The following CMTM4 variants were observed in gnomAD, a reference collection of about 807,000 sequenced individuals.
CMTM4 encodes the protein CKLF like MARVEL transmembrane domain containing 4, also known as CKLF-like MARVEL transmembrane domain-containing protein 4.
CMTM4 carries 8 observed loss-of-function variants against 19.0 expected under a neutral mutation model. The observed-to-expected ratio is 0.42, with a 90% CI of 0.25 to 0.76. CMTM4 has a LOEUF of 0.76. Ranked by LOEUF, CMTM4 falls within the 30% of genes least tolerant of loss-of-function variation. The pLI is 0.27. For missense variants in CMTM4, 228 were observed against 290.2 expected (o/e 0.79, Z 1.56); for synonymous variants, 106 against 121.1 (o/e 0.88, Z 0.82).
At chr16:66,656,275 C>A (rs1231495797) in intron 1 of CMTM4, among the ~76,000 whole-genome samples, 1 of 152,216 alleles carries the variant, frequency 6.6e-6, no homozygotes, top group Admixed American at 6.5e-5. Context: ...ATTTAAAAAA[C>A]TGCCATTTGG....
chr16:66,626,287 T>C (rs2015736606), intron 2 of CMTM4, among the ~76,000 whole-genome samples: 1 of 151,994 alleles, frequency 6.6e-6, no homozygotes, highest in Non-Finnish European at 1.5e-5. Flanking sequence ...ATACAAAAAT[T>C]AGCTGGACCC....
chr16:66,640,965 T>A (rs948070122), intron 1 of CMTM4, among the ~76,000 whole-genome samples: 1 of 152,212 alleles, frequency 6.6e-6, no homozygotes, highest in African/African-American at 2.4e-5. Context: ...AAAGCTTGAC[T>A]GCAACCTCCT....
At chr16:66,663,185 C>T (rs952057651) in intron 1 of CMTM4, among the ~76,000 whole-genome samples, 2 of 152,056 alleles carry the variant, frequency 1.3e-5, no homozygotes, top group African/African-American at 4.8e-5. Context: ...GACCAGAGTC[C>T]CATAACATAA....
intron 1 of CMTM4, among the ~76,000 whole-genome samples, chr16:66,654,687 C>A (rs2016367523): frequency 6.6e-6 from 1 of 152,164 alleles, no homozygotes; most frequent in African/African-American, 2.4e-5. Flanking sequence ...GCCACTGTGA[C>A]CCTGGGCACA....
At chr16:66,603,705 A>G in the CMTM4 span, among the ~76,000 whole-genome samples, 1 of 152,250 alleles carries the variant, frequency 6.6e-6, no homozygotes, top group Non-Finnish European at 1.5e-5. Flanking sequence ...GTACTGTGCC[A>G]TAAGCTCTCC....
chr16:66,669,097 C>T (rs2016656446), intron 1 of CMTM4, among the ~76,000 whole-genome samples: 1 of 152,126 alleles, frequency 6.6e-6, no homozygotes, highest in African/African-American at 2.4e-5. Context: ...TGCCCTTTAA[C>T]AGGTGAATAA....
chr16:66,607,974 T>C, the CMTM4 span, among the ~76,000 whole-genome samples: 6 of 152,074 alleles, frequency 3.9e-5, no homozygotes, highest in African/African-American at 1.4e-4. Flanking sequence ...GCCTCCCAAG[T>C]AGCTGGGATT....
At chr16:66,650,843 C>T (rs2144839750) in intron 1 of CMTM4, among the ~76,000 whole-genome samples, 1 of 152,280 alleles carries the variant, frequency 6.6e-6, no homozygotes, top group South Asian at 2.1e-4. Context: ...CTCATTTACC[C>T]AGCAGGGGAG....
At chr16:66,676,842 G>C (rs1263833999) in intron 1 of CMTM4, among the ~76,000 whole-genome samples, 1 of 152,194 alleles carries the variant, frequency 6.6e-6, no homozygotes, top group Non-Finnish European at 1.5e-5. Context: ...TACTACAGTA[G>C]AACATAAGTA....
intron 1 of CMTM4, among the ~76,000 whole-genome samples, chr16:66,670,671 G>A (rs186075620): frequency 2.0e-5 from 3 of 152,040 alleles, no homozygotes; most frequent in East Asian, 3.9e-4. Flanking sequence ...GTGGTGGCAC[G>A]AACCTGTAGT....
At chr16:66,651,552 C>T (rs1290475594) in intron 1 of CMTM4, among the ~76,000 whole-genome samples, 1 of 152,132 alleles carries the variant, frequency 6.6e-6, no homozygotes. Flanking sequence ...AAAGCTAGTT[C>T]CTCCCCTACC....
intron 1 of CMTM4, among the ~76,000 whole-genome samples, chr16:66,691,988 C>T (rs1440226918): frequency 6.6e-6 from 1 of 152,136 alleles, no homozygotes; most frequent in Non-Finnish European, 1.5e-5. Flanking sequence ...ATTTCATTTT[C>T]TTAATCCTTT....
chr16:66,612,359 G>T (rs1156696225), downstream of CMTM4, among the ~76,000 whole-genome samples: 1 of 152,130 alleles, frequency 6.6e-6, no homozygotes, highest in African/African-American at 2.4e-5. The surrounding 1 kb of genome is among the most constrained non-coding windows in gnomAD (Gnocchi z 6.0). Context: ...TGGGTGATGA[G>T]CAAGACTCTG....
intron 2 of CMTM4, among the ~76,000 whole-genome samples, chr16:66,623,849 G>T (rs1365621593): frequency 6.6e-6 from 1 of 152,154 alleles, no homozygotes; most frequent in Non-Finnish European, 1.5e-5. Flanking sequence ...AGCTCCCCAA[G>T]GATCCAAATG....
the CMTM4 span, among the ~76,000 whole-genome samples, chr16:66,598,853 C>T: frequency 2.6e-4 from 40 of 152,172 alleles, no homozygotes; most frequent in African/African-American, 8.9e-4. Flanking sequence ...ATAAAAATTA[C>T]GAGGGGGTCA....
In CMTM4 at chr16:66,619,247, C is replaced by CA. The variant is rs2015583428; in HGVS notation, c.*2810dup. The stretch of plus-strand genomic sequence containing the variant: ...AGAGGGAAAAAATACCAAATCCACC[C>CA]AATCAGTGCCAAAATAAACTTTCTC... On this transcript the variant is annotated 3_prime_UTR_variant, in exon 4 of 4. Coordinates refer to ENST00000394106, the MANE Select transcript of CMTM4 (RefSeq NM_181521.3). 1.0e-6 allele frequency: 1 copy of CA among 985,434 alleles called. No homozygotes were observed. Among genetic ancestry groups the CA allele is most frequent in the South Asian group, 4.7e-5 (1 of 21,278 alleles). 61.0% of individuals were successfully genotyped at this position (985,434 alleles called of 1,614,324 possible). A position where few individuals can be genotyped will look rare whatever the true frequency, so the allele number is the denominator to read the frequency against.
At chr16:66,651,148 A>T (rs1432525573) in intron 1 of CMTM4, among the ~76,000 whole-genome samples, 1 of 152,160 alleles carries the variant, frequency 6.6e-6, no homozygotes, top group Non-Finnish European at 1.5e-5. Context: ...CAAAGCAGGG[A>T]CTGTGCTTCC....
At chr16:66,694,516 T>G (rs1386592521) in intron 1 of CMTM4, among the ~76,000 whole-genome samples, 3 of 151,844 alleles carry the variant, frequency 2.0e-5, no homozygotes, top group African/African-American at 4.8e-5. Flanking sequence ...GAGACCAGCC[T>G]GGCCAGGCCA....
At chr16:66,634,510 TAGTA>T (rs2015953630) in intron 2 of CMTM4, among the ~76,000 whole-genome samples, 1 of 151,640 alleles carries the variant, frequency 6.6e-6, no homozygotes, top group African/African-American at 2.4e-5. Flanking sequence ...TGGTATAAAT[TAGTA>T]AGAAATCTGA....
Sources: allele counts gnomAD v4.1 joint callset (sites outside exome capture counted in the v4.1 genomes callset), GRCh38; gene constraint gnomAD v4.1.1; non-coding constraint Gnocchi (gnomAD v3.1); transcripts MANE v1.5; gene names NCBI Gene and HGNC (gene_info 2026-07-23, HGNC 2026-07-21).